Variants in NEXMIF observed in about 807,000 individuals in gnomAD.
The protein encoded by NEXMIF is neurite extension and migration factor.
Under a neutral mutation model 62.1 loss-of-function variants are expected in NEXMIF, and 8 were observed. That is an observed-to-expected ratio of 0.13 (90% confidence interval 0.08 to 0.23). NEXMIF has a LOEUF of 0.23. Among genes scored for constraint, NEXMIF ranks in the 10% least tolerant of loss-of-function variants. The pLI, the probability that NEXMIF is intolerant of heterozygous loss-of-function variation, is 1.00. For missense variants in NEXMIF, 976 were observed against 1,113.3 expected (o/e 0.88, Z 1.75); for synonymous variants, 404 against 416.6 (o/e 0.97, Z 0.37).
intron 1 of NEXMIF, among the ~76,000 whole-genome samples, chrX:74,851,829 A>G (rs1020662884): frequency 8.9e-6 from 1 of 111,889 alleles, no homozygotes; most frequent in African/African-American, 3.2e-5. Context: ...AACAAGGACA[A>G]AAAAGGACTC....
chrX:74,834,166 G>C (rs1252874672), intron 1 of NEXMIF, among the ~76,000 whole-genome samples: 1 of 106,433 alleles, frequency 9.4e-6, no homozygotes, highest in Non-Finnish European at 1.9e-5. Context: ...GAAAAGAAAA[G>C]AAAACTAATA....
chrX:74,762,945 T>G lies in NEXMIF; in HGVS notation c.-47-17248A>C, dbSNP rs757591739. 5.4e-5 allele frequency among the ~76,000 whole-genome samples: 6 copies of G among 112,111 alleles called. No individual in the cohort carries two copies. In the East Asian group the frequency reaches 1.7e-3, roughly 31 times the overall value. Reference sequence around the variant, plus strand: ...TGTTCATTCTGATGGTAGTTTCTTTTGCTGTGCAGAAGCTCTTTAGTTTAA... The same window carrying G: ...TGTTCATTCTGATGGTAGTTTCTTTGGCTGTGCAGAAGCTCTTTAGTTTAA... On this transcript the variant is annotated intron_variant, in intron 1 of 3. Coordinates refer to ENST00000055682, the MANE Select transcript of NEXMIF (RefSeq NM_001008537.3).
chrX:74,825,816 G>A (rs758181009), intron 1 of NEXMIF, among the ~76,000 whole-genome samples: 3 of 112,498 alleles, frequency 2.7e-5, no homozygotes, highest in Non-Finnish European at 3.8e-5. Flanking sequence ...GCCTCCCAAA[G>A]TGCTGGGATT....
At chrX:74,821,186 C>T (rs2080394319) in intron 1 of NEXMIF, among the ~76,000 whole-genome samples, 1 of 110,992 alleles carries the variant, frequency 9.0e-6, no homozygotes, top group African/African-American at 3.3e-5. Flanking sequence ...TCTTCTTATA[C>T]CTCTCCCATT....
chrX:74,765,441 A>G (rs2080191761), intron 1 of NEXMIF, among the ~76,000 whole-genome samples: 1 of 111,588 alleles, frequency 9.0e-6, no homozygotes, highest in African/African-American at 3.3e-5. Context: ...ATTAGTATTC[A>G]TATGTGCGGA....
intron 1 of NEXMIF, among the ~76,000 whole-genome samples, chrX:74,773,635 C>T (rs777032548): frequency 3.6e-5 from 4 of 110,343 alleles, no homozygotes; most frequent in South Asian, 3.8e-4. Flanking sequence ...TGGTCAGGTG[C>T]GGTGGCTTAC....
intron 1 of NEXMIF, among the ~76,000 whole-genome samples, chrX:74,786,485 C>T (rs2080260529): frequency 9.0e-6 from 1 of 111,578 alleles, no homozygotes; most frequent in Middle Eastern, 4.6e-3. Flanking sequence ...CAATTACCTA[C>T]AGAGATACTT....
At chrX:74,744,930 C>CCTCTCTCTCT (rs749595584) in intron 2 of NEXMIF, among the ~76,000 whole-genome samples, 20,134 of 86,189 alleles carry the variant, frequency 0.23, 2,526 homozygotes, top group East Asian at 0.7. Flanking sequence ...TTCTCTCTCT[C>CCTCTCTCTCT]CTCTCTCTCT....
intron 1 of NEXMIF, among the ~76,000 whole-genome samples, chrX:74,763,251 A>C (rs1203816793): frequency 9.0e-6 from 1 of 111,568 alleles, no homozygotes; most frequent in Admixed American, 9.5e-5. Context: ...TGTTTTTCTC[A>C]GGTTTGTCAA....
chrX:74,741,694 C>A lies in NEXMIF; in HGVS notation c.2863G>T (p.Asp955Tyr). 8.3e-7 allele frequency: 1 copy of A among 1,211,813 alleles called. No individual in the cohort carries two copies. Among genetic ancestry groups the A allele is most frequent in the East Asian group, 3.0e-5 (1 of 33,855 alleles). Residue 955 changes from aspartate to tyrosine, a missense_variant, in exon 3 of 4, where the codon GAT becomes TAT. By Grantham distance (160) the Asp-to-Tyr change is radical. Coordinates refer to ENST00000055682, the MANE Select transcript of NEXMIF (RefSeq NM_001008537.3). ...CNKVLYDSMQ[D>Y]TQLPSDDSYQ... ...GAGTCATCAGATGGGAGTTGGGTAT[C>A]TTGCATGGAGTCATACAGGACCTTG...
intron 1 of NEXMIF, among the ~76,000 whole-genome samples, chrX:74,847,301 C>T (rs987164650): frequency 1.8e-5 from 2 of 111,905 alleles, no homozygotes; most frequent in Non-Finnish European, 3.8e-5. Context: ...CTGGGCTTCA[C>T]GAGTCATAGA....
intron 1 of NEXMIF, among the ~76,000 whole-genome samples, chrX:74,783,651 C>T (rs745880360): frequency 4.5e-5 from 5 of 111,701 alleles, no homozygotes; most frequent in African/African-American, 1.6e-4. Flanking sequence ...CTCTAGCTTA[C>T]ATGCAGAATA....
intron 1 of NEXMIF, among the ~76,000 whole-genome samples, chrX:74,873,675 T>C (rs2080614292): frequency 8.9e-6 from 1 of 112,091 alleles, no homozygotes; most frequent in South Asian, 3.7e-4. Context: ...TTTTTAATGA[T>C]TGCCATTCTA....
At chrX:74,886,160 G>A (rs1167941409) in intron 1 of NEXMIF, among the ~76,000 whole-genome samples, 1 of 111,453 alleles carries the variant, frequency 9.0e-6, no homozygotes, top group Non-Finnish European at 1.9e-5. Context: ...AAGATAATAA[G>A]AGCTATCTAT....
chrX:74,919,621 T>C (rs1256861327), intron 1 of NEXMIF, among the ~76,000 whole-genome samples: 1 of 111,258 alleles, frequency 9.0e-6, no homozygotes, highest in Non-Finnish European at 1.9e-5. Flanking sequence ...CTACACCTGT[T>C]CTTTTTTTTT....
chrX:74,898,779 G>A (rs1370881625), intron 1 of NEXMIF, among the ~76,000 whole-genome samples: 2 of 111,118 alleles, frequency 1.8e-5, no homozygotes, highest in Admixed American at 9.7e-5. Flanking sequence ...AACAAATTCA[G>A]CAAAGTTGCA....
At position 74,742,127 on chromosome X, in the gene NEXMIF, G is replaced by A; in HGVS notation, c.2430C>T (p.Ile810=). 8.3e-7 allele frequency: 1 copy of A among 1,210,501 alleles called. No individual in the cohort carries two copies. The highest frequency in any genetic ancestry group is 1.1e-6 in the Non-Finnish European group (1 of 894,331). Residue 810 remains isoleucine (I), a synonymous_variant, in exon 3 of 4, where the codon ATC becomes ATT. Coordinates refer to ENST00000055682, the MANE Select transcript of NEXMIF (RefSeq NM_001008537.3). The part of the protein sequence containing the change: ...SANVTTNIPV[I]PGGYLQTLLD... ...ACAATGTCTGCAGATACCCTCCCGG[G>A]ATAACAGGTATATTAGTGGTAACAT...
chrX:74,791,035 C>T (rs1191115324), intron 1 of NEXMIF, among the ~76,000 whole-genome samples: 10 of 110,273 alleles, frequency 9.1e-5, no homozygotes, highest in Admixed American at 6.8e-4. Flanking sequence ...TGGTGAGAGA[C>T]GGCATCCCTG....
intron 1 of NEXMIF, among the ~76,000 whole-genome samples, chrX:74,762,907 T>G (rs1381334596): frequency 8.9e-6 from 1 of 111,736 alleles, no homozygotes; most frequent in Non-Finnish European, 1.9e-5. Flanking sequence ...TTTCTCCCAT[T>G]CTGTAGGTTG....
Sources: allele counts gnomAD v4.1 joint callset (sites outside exome capture counted in the v4.1 genomes callset), GRCh38; gene constraint gnomAD v4.1.1; transcripts MANE v1.5; gene names NCBI Gene and HGNC (gene_info 2026-07-23, HGNC 2026-07-21).